The following TAX1BP1 variants were observed in gnomAD, a reference collection of about 807,000 sequenced individuals.
TAX1BP1 encodes the protein Tax1 binding protein 1.
A neutral mutation model predicts 97.7 loss-of-function variants in TAX1BP1; 62 were observed. The ratio of observed to expected loss-of-function variants is 0.63; its 90% confidence interval spans 0.52 to 0.78. The LOEUF is 0.78. Among genes scored for constraint, TAX1BP1 ranks in the 30% least tolerant of loss-of-function variants. TAX1BP1 has a pLI of 0.00. For synonymous variants in TAX1BP1, 340 were observed against 304.2 expected (o/e 1.12, Z -1.23); for missense variants, 867 against 916.1 (o/e 0.95, Z 0.69).
intron 2 of TAX1BP1, among the ~76,000 whole-genome samples, chr7:27,757,048 T>C (rs181745946): frequency 1.7e-3 from 265 of 152,268 alleles, no homozygotes; most frequent in African/African-American, 6.1e-3. Context: ...TTGTAACCTG[T>C]AGTTTCAACC....
chr7:27,792,726 C>T (rs909255862), intron 9 of TAX1BP1, among the ~76,000 whole-genome samples: 20 of 152,018 alleles, frequency 1.3e-4, no homozygotes, highest in Non-Finnish European at 2.2e-4. Flanking sequence ...CTTTGGGGGG[C>T]TGAGGTGGGA....
chr7:27,801,060 T>A (rs901884864), intron 13 of TAX1BP1, among the ~76,000 whole-genome samples: 1 of 140,422 alleles, frequency 7.1e-6, no homozygotes, highest in African/African-American at 2.7e-5. Flanking sequence ...GCCAAGATCA[T>A]GCCATTGCAC....
chr7:27,794,594 A>G (rs2128318663), intron 11 of TAX1BP1, 148 bp downstream of exon 11: 1 of 808,034 alleles, frequency 1.2e-6, no homozygotes, highest in South Asian at 2.5e-5. Flanking sequence ...ATAAGGGTAT[A>G]AATGTAAAAT....
chr7:27,824,006 C>T (rs562975432), intron 15 of TAX1BP1, among the ~76,000 whole-genome samples: 9 of 152,140 alleles, frequency 5.9e-5, no homozygotes, highest in South Asian at 4.1e-4. Context: ...TTTGTTTATC[C>T]GTGCATATAT....
At chr7:27,776,756 G>C (rs966754889) in intron 5 of TAX1BP1, among the ~76,000 whole-genome samples, 1 of 146,952 alleles carries the variant, frequency 6.8e-6, no homozygotes, top group Non-Finnish European at 1.5e-5. Flanking sequence ...AGGGACTCGA[G>C]TACACATATG....
Position 27,765,847 on chromosome 7 carries a change from A to G in TAX1BP1, c.279A>G (p.Pro93=). The change falls in exon 4 of 17, where the codon CCA becomes CCG. Residue 93 remains proline, a synonymous_variant. Coordinates refer to ENST00000396319, the MANE Select transcript of TAX1BP1 (RefSeq NM_006024.7). The part of the protein sequence containing the change: ...CVLAFQGYYL[P]NDDGEFYQFC... Reference sequence around the variant, plus strand: ...ACTTCCTCTTAGGATATTACCTTCCAAATGATGATGGAGAATTTTATCAGT... The same window carrying G: ...ACTTCCTCTTAGGATATTACCTTCCGAATGATGATGGAGAATTTTATCAGT... 1 of 1,613,610 alleles carries G rather than the reference A, an allele frequency of 6.2e-7. No individual in the cohort carries two copies. The highest frequency in any genetic ancestry group is 8.5e-7 in the Non-Finnish European group (1 of 1,179,604).
intron 9 of TAX1BP1, 33 bp from the exon 10 acceptor site, chr7:27,793,033 T>A (rs772647472): frequency 3.8e-6 from 6 of 1,563,322 alleles, no homozygotes; most frequent in Non-Finnish European, 5.2e-6. Flanking sequence ...ATCAGATTTT[T>A]ATTTTTTTCT....
At chr7:27,782,396 C>T (rs1381220872) in intron 5 of TAX1BP1, among the ~76,000 whole-genome samples, 3 of 151,854 alleles carry the variant, frequency 2.0e-5, no homozygotes, top group African/African-American at 7.3e-5. Context: ...CACACCACCA[C>T]GCCCAGCTAA....
intron 3 of TAX1BP1, among the ~76,000 whole-genome samples, chr7:27,763,171 G>T (rs1028285631): frequency 1.3e-5 from 2 of 152,106 alleles, no homozygotes; most frequent in Non-Finnish European, 2.9e-5. Context: ...CTCATTTTGT[G>T]GATGAGTAAT....
intron 4 of TAX1BP1, 110 bp from the exon 5 acceptor site, chr7:27,769,566 C>G: frequency 1.1e-6 from 1 of 895,224 alleles, no homozygotes; most frequent in East Asian, 2.7e-5. Flanking sequence ...TGTAAGAGTT[C>G]TTTCTGTGAA....
Position 27,766,011 on chromosome 7 carries a change from G to A in TAX1BP1, c.443G>A (p.Gly148Asp), listed in dbSNP as rs144279541. Residue 148 changes from glycine (G) to aspartate (D), a missense_variant, in exon 4 of 17, where the codon GGC becomes GAC. Gly to Asp is a moderately conservative substitution (Grantham distance 94). Transcript: ENST00000396319. ...ATGTTAGTGGTGACCACAAAAGCAGGCCTTCTTGAGGTTGGTGTTCACAGT... is the reference window on the plus strand; with the variant it reads ...ATGTTAGTGGTGACCACAAAAGCAGACCTTCTTGAGGTTGGTGTTCACAGT... Reference protein sequence around the residue: ...SDMLVVTTKAGLLELKIEKTM... With the variant: ...SDMLVVTTKADLLELKIEKTM... 363 of 1,613,432 alleles carry A rather than the reference G, an allele frequency of 2.2e-4. 2 individuals carry two copies. The East Asian group carries it at 4.7e-3, about 21-fold the overall frequency.
intron 5 of TAX1BP1, among the ~76,000 whole-genome samples, chr7:27,781,720 A>T (rs919235781): frequency 6.1e-5 from 9 of 148,438 alleles, no homozygotes; most frequent in South Asian, 2.1e-4. Context: ...TAATTAATTA[A>T]TTTTTTTTTT....
At chr7:27,743,194 G>A (rs1013987477) in intron 1 of TAX1BP1, among the ~76,000 whole-genome samples, 2 of 152,184 alleles carry the variant, frequency 1.3e-5, no homozygotes, top group African/African-American at 4.8e-5. Context: ...AAAGGATTCT[G>A]GAAATAGGGA....
At chr7:27,755,093 A>C (rs1307949300) in intron 2 of TAX1BP1, among the ~76,000 whole-genome samples, 12 of 152,070 alleles carry the variant, frequency 7.9e-5, no homozygotes, top group Admixed American at 7.9e-4. Context: ...TTTTTTCCTA[A>C]AGGAACTTTT....
chr7:27,820,243 GC>G (rs1350438994), intron 15 of TAX1BP1, among the ~76,000 whole-genome samples: 1 of 152,084 alleles, frequency 6.6e-6, no homozygotes, highest in Non-Finnish European at 1.5e-5. Context: ...AAAGACGAAA[GC>G]CCACACATTC....
intron 1 of TAX1BP1, among the ~76,000 whole-genome samples, chr7:27,744,414 C>G (rs935989040): frequency 6.6e-6 from 1 of 152,186 alleles, no homozygotes; most frequent in Non-Finnish European, 1.5e-5. Flanking sequence ...CGTGAGCCAC[C>G]GCACCCGGCC....
Position 27,785,460 on chromosome 7 carries a change from A to G in TAX1BP1, c.823A>G (p.Thr275Ala). ...EREQLECQLK[T>A]EKDEKELYKV... Reference sequence around the variant, plus strand: ...AGAACAACTTGAATGTCAGTTGAAGACAGAGAAGGATGAAAAGGAACTTTA... The same window carrying G: ...AGAACAACTTGAATGTCAGTTGAAGGCAGAGAAGGATGAAAAGGAACTTTA... The change falls in exon 7 of 17, where the codon ACA (threonine) becomes GCA (alanine). Residue 275 changes from threonine to alanine, a missense_variant. Physicochemically the swap from Thr to Ala is moderately conservative, Grantham distance 58 (BLOSUM62 0). Coordinates refer to ENST00000396319, the MANE Select transcript of TAX1BP1 (RefSeq NM_006024.7). 6.2e-7 allele frequency: 1 copy of G among 1,612,988 alleles called. No homozygotes were observed. The highest frequency in any genetic ancestry group is 8.5e-7 in the Non-Finnish European group (1 of 1,179,726).
chr7:27,789,846 G>A (rs1328322064), intron 8 of TAX1BP1, among the ~76,000 whole-genome samples: 1 of 151,926 alleles, frequency 6.6e-6, no homozygotes, highest in African/African-American at 2.4e-5. Context: ...GATTGCCAGT[G>A]CAAACATGAG....
At chr7:27,769,637 A>T in intron 4 of TAX1BP1, 39 bp from the exon 5 acceptor site, 1 of 1,509,556 alleles carries the variant, frequency 6.6e-7, no homozygotes, top group African/African-American at 1.4e-5. Flanking sequence ...TTTTAGGATT[A>T]AGCAAAAAAC....
Sources: allele counts gnomAD v4.1 joint callset (sites outside exome capture counted in the v4.1 genomes callset), GRCh38; gene constraint gnomAD v4.1.1; transcripts MANE v1.5; gene names NCBI Gene and HGNC (gene_info 2026-07-23, HGNC 2026-07-21).